DLG2: variants seen among roughly 807,000 people sequenced by gnomAD.
The protein encoded by DLG2 is disks large homolog 2.
DLG2 carries 45 observed loss-of-function variants against 132.5 expected under a neutral mutation model. The ratio of observed to expected loss-of-function variants is 0.34; its 90% CI spans 0.27 to 0.44. The LOEUF is 0.44. Among genes scored for constraint, DLG2 ranks in the 20% least tolerant of loss-of-function variants. The pLI, the probability that DLG2 is intolerant of heterozygous loss-of-function variation, is 1.00. For synonymous variants in DLG2, 424 were observed against 419.6 expected, an observed-to-expected ratio of 1.01 and a Z score of -0.13; for missense variants, 1,045 against 1,196.9, an observed-to-expected ratio of 0.87 and a Z score of 1.87.
At chr11:85,489,845 A>AT (rs146155141) in intron 3 of DLG2, among the ~76,000 whole-genome samples, 5,406 of 151,914 alleles carry the variant, frequency 0.036, 143 homozygotes, top group Admixed American at 0.053. Context: ...TTATGAAGGA[A>AT]TTTTTTTAAT....
chr11:85,077,995 A>G (rs955078798), intron 6 of DLG2, among the ~76,000 whole-genome samples: 1 of 151,938 alleles, frequency 6.6e-6, no homozygotes, highest in African/African-American at 2.4e-5. Context: ...TATATGGAAT[A>G]TTATTTTATT....
chr11:84,526,374 G>A, intron 7 of DLG2, among the ~76,000 whole-genome samples: 1 of 152,012 alleles, frequency 6.6e-6, no homozygotes, highest in East Asian at 1.9e-4. Context: ...AAAATGAAAA[G>A]CAAAACAAAA....
At chr11:85,506,582 C>T (rs887964678) in intron 3 of DLG2, among the ~76,000 whole-genome samples, 3 of 152,178 alleles carry the variant, frequency 2.0e-5, no homozygotes, top group Admixed American at 1.3e-4. Flanking sequence ...GTCTGAGAGA[C>T]AGTTTGTTAT....
intron 4 of DLG2, among the ~76,000 whole-genome samples, chr11:85,258,142 G>A (rs2076760925): frequency 6.6e-6 from 1 of 152,034 alleles, no homozygotes. Flanking sequence ...TGTAATTTGT[G>A]GCCTTATATT....
chr11:85,022,870 T>A (rs556800513), intron 6 of DLG2, among the ~76,000 whole-genome samples: 1 of 152,194 alleles, frequency 6.6e-6, no homozygotes, highest in Non-Finnish European at 1.5e-5. Flanking sequence ...AATGCAAGTA[T>A]TAGCAACATT....
intron 9 of DLG2, among the ~76,000 whole-genome samples, chr11:84,148,875 C>T (rs1048218835): frequency 5.3e-5 from 8 of 152,212 alleles, no homozygotes; most frequent in African/African-American, 1.9e-4. Flanking sequence ...TCCCTACCAA[C>T]ATCTATTATT....
chr11:84,521,356 G>A (rs2099299636), intron 7 of DLG2, among the ~76,000 whole-genome samples: 1 of 152,184 alleles, frequency 6.6e-6, no homozygotes, highest in Non-Finnish European at 1.5e-5. Flanking sequence ...GGGAAACAGA[G>A]ACATAAACTC....
At chr11:83,684,131 C>G (rs1232000088) in intron 18 of DLG2, among the ~76,000 whole-genome samples, 2 of 152,008 alleles carry the variant, frequency 1.3e-5, no homozygotes, top group African/African-American at 4.8e-5. Context: ...CATGGTGTGC[C>G]AAGCAGGAAG....
chr11:83,458,993 G>C lies in DLG2; in HGVS notation c.*825C>G, dbSNP rs939013569. The C allele has an allele frequency of 1.3e-5, 2 of 152,264 alleles. No individual in the cohort carries two copies. Among genetic ancestry groups the C allele is most frequent in the African/African-American group, 4.8e-5 (2 of 41,456 alleles). The allele number at this position is 152,264 out of a possible 1,614,324, so 9.4% of individuals were successfully genotyped here. On this transcript the variant is annotated 3_prime_UTR_variant, in exon 28 of 28. Coordinates refer to ENST00000376104, the MANE Select transcript of DLG2 (RefSeq NM_001142699.3). The stretch of plus-strand genomic sequence containing the variant: ...AGTGCAACTTTCAGGTCTTGAATTT[G>C]ATCATCTGCTGATGTTGCATACATT...
chr11:83,657,737 T>C (rs2073050521), intron 18 of DLG2, among the ~76,000 whole-genome samples: 1 of 152,012 alleles, frequency 6.6e-6, no homozygotes. Flanking sequence ...AGACGGGGTT[T>C]CACCGCATTA....
intron 3 of DLG2, among the ~76,000 whole-genome samples, chr11:85,547,972 G>A (rs2076434694): frequency 1.3e-5 from 2 of 152,048 alleles, no homozygotes; most frequent in Non-Finnish European, 2.9e-5. Flanking sequence ...CCCACCTTCT[G>A]AAGCCTACTT....
At chr11:83,583,454 A>G (rs947202799) in intron 19 of DLG2, among the ~76,000 whole-genome samples, 7 of 152,210 alleles carry the variant, frequency 4.6e-5, no homozygotes, top group Admixed American at 4.6e-4. Context: ...AATCTGAGAA[A>G]TGGATTCTAG....
chr11:84,870,941 C>G (rs551740302), intron 6 of DLG2, among the ~76,000 whole-genome samples: 1 of 152,174 alleles, frequency 6.6e-6, no homozygotes, highest in Non-Finnish European at 1.5e-5. Context: ...TGTAAAAGAA[C>G]TGTTCTAGGT....
At chr11:85,170,206 A>G (rs192285408) in intron 4 of DLG2, among the ~76,000 whole-genome samples, 263 of 152,322 alleles carry the variant, frequency 1.7e-3, no homozygotes, top group African/African-American at 5.9e-3. Context: ...AAAAAGGGGT[A>G]TGATCTAATG....
intron 17 of DLG2, among the ~76,000 whole-genome samples, chr11:83,809,412 A>T (rs890526000): frequency 6.6e-6 from 1 of 152,192 alleles, no homozygotes; most frequent in Non-Finnish European, 1.5e-5. Flanking sequence ...GGGTTTTTCC[A>T]TGTAGGGCTT....
At chr11:85,466,745 G>A (rs1376209933) in intron 3 of DLG2, among the ~76,000 whole-genome samples, 7 of 152,050 alleles carry the variant, frequency 4.6e-5, no homozygotes, top group South Asian at 2.1e-4. Context: ...AGGTAGCGTG[G>A]TGCCTCCAGC....
chr11:83,541,721 C>G lies in DLG2; in HGVS notation c.2078G>C (p.Gly693Ala). 4 of 1,612,232 alleles carry G rather than the reference C, an allele frequency of 2.5e-6. No homozygotes were observed. The highest frequency in any genetic ancestry group is 2.5e-6 in the Non-Finnish European group (3 of 1,179,038). The change falls in exon 20 of 28, where the codon GGA (glycine) becomes GCA (alanine). Residue 693 changes from glycine (G) to alanine (A), a missense_variant. Gly to Ala is a moderately conservative substitution (Grantham distance 60, BLOSUM62 0). This residue lies in a region of DLG2 where 398 missense variants were observed against 543.6 expected (regional missense o/e 0.73). Coordinates refer to ENST00000376104, the MANE Select transcript of DLG2 (RefSeq NM_001142699.3). ...WWQARRVMLE[G>A]DSEEMGVIPS... ...GATGACCCCCATCTCCTCACTGTCT[C>G]CCTCCAGCATGACTCTCCTGGCTTG...
chr11:84,959,382 A>G (rs11234253), intron 6 of DLG2, among the ~76,000 whole-genome samples: 70,025 of 152,048 alleles, frequency 0.46, 17,719 homozygotes, highest in East Asian at 0.67. Flanking sequence ...GGTTTACAGC[A>G]GGAAAATATA....
At chr11:83,497,492 A>G (rs768255524) in intron 21 of DLG2, among the ~76,000 whole-genome samples, 4 of 152,004 alleles carry the variant, frequency 2.6e-5, no homozygotes, top group Admixed American at 1.3e-4. Flanking sequence ...CCGAGATCAC[A>G]CCATTGCACT....
Sources: allele counts gnomAD v4.1 joint callset (sites outside exome capture counted in the v4.1 genomes callset), GRCh38; gene constraint gnomAD v4.1.1; regional missense constraint gnomAD v4.1.1; transcripts MANE v1.5; gene names NCBI Gene and HGNC (gene_info 2026-07-23, HGNC 2026-07-21).